STAU2: variants seen among roughly 807,000 people sequenced by gnomAD.
STAU2 encodes double-stranded RNA-binding protein Staufen homolog 2.
A neutral mutation model predicts 65.9 loss-of-function variants in STAU2; 20 were observed. The ratio of observed to expected loss-of-function variants is 0.30; its 90% confidence interval spans 0.21 to 0.44. The LOEUF is 0.44. Ranked by LOEUF, STAU2 falls within the 20% of genes least tolerant of loss-of-function variation. STAU2 has a pLI of 1.00. For missense variants in STAU2, 558 were observed against 683.9 expected (o/e 0.82, Z 2.05); for synonymous variants, 232 against 233.9 (o/e 0.99, Z 0.07).
intron 13 of STAU2, among the ~76,000 whole-genome samples, chr8:73,435,298 G>A (rs1817608609): frequency 6.6e-6 from 1 of 151,896 alleles, no homozygotes; most frequent in Non-Finnish European, 1.5e-5. Context: ...CAGGTAGCTG[G>A]TAAACCCTTG....
At chr8:73,730,058 C>G (rs1805935541) in intron 3 of STAU2, among the ~76,000 whole-genome samples, 1 of 152,074 alleles carries the variant, frequency 6.6e-6, no homozygotes, top group African/African-American at 2.4e-5. Flanking sequence ...TTATTTACTT[C>G]CTTTTTTCTG....
At chr8:73,650,329 A>T (rs12546954) in intron 6 of STAU2, among the ~76,000 whole-genome samples, 1 of 151,824 alleles carries the variant, frequency 6.6e-6, no homozygotes, top group Non-Finnish European at 1.5e-5. Context: ...AACCACAACT[A>T]TAATTTTTTA....
At chr8:73,432,038 T>G (rs928946198) in intron 13 of STAU2, among the ~76,000 whole-genome samples, 2 of 152,176 alleles carry the variant, frequency 1.3e-5, no homozygotes, top group Non-Finnish European at 2.9e-5. Context: ...TTTTATTTTG[T>G]CTTTTTCCAT....
chr8:73,479,929 C>T (rs1407024975), intron 13 of STAU2, among the ~76,000 whole-genome samples: 3 of 151,964 alleles, frequency 2.0e-5, no homozygotes, highest in Non-Finnish European at 4.4e-5. Context: ...CTACTGCTCC[C>T]GTCTTCCTAC....
chr8:73,531,446 G>A (rs80175955), intron 13 of STAU2, among the ~76,000 whole-genome samples: 3,157 of 151,994 alleles, frequency 0.021, 109 homozygotes, highest in African/African-American at 0.071. Context: ...AAATATGTAG[G>A]GAAAAACATG....
At chr8:73,727,877 A>C (rs560304645) in intron 3 of STAU2, 1 of 152,204 alleles carries the variant, frequency 6.6e-6, no homozygotes, top group South Asian at 2.1e-4. Context: ...CCTCAAAACC[A>C]GTTACTGCCC....
At chr8:73,686,351 C>T (rs1818815730) in intron 5 of STAU2, among the ~76,000 whole-genome samples, 1 of 152,052 alleles carries the variant, frequency 6.6e-6, no homozygotes, top group Admixed American at 6.5e-5. Flanking sequence ...GAGATCGAGA[C>T]CATCCTGGCT....
intron 13 of STAU2, among the ~76,000 whole-genome samples, chr8:73,460,275 G>A (rs1185933445): frequency 6.6e-6 from 1 of 151,624 alleles, no homozygotes; most frequent in Non-Finnish European, 1.5e-5. Flanking sequence ...GGAGGGCATT[G>A]TTGTTGTTTT....
At chr8:73,671,393 C>CAAAAAAAAAAA (rs200155672) in intron 6 of STAU2, among the ~76,000 whole-genome samples, 1 of 124,094 alleles carries the variant, frequency 8.1e-6, no homozygotes. Flanking sequence ...AACAAACAAA[C>CAAAAAAAAAAA]AAACAAAAAA....
intron 3 of STAU2, among the ~76,000 whole-genome samples, chr8:73,727,224 C>T (rs1402125648): frequency 6.6e-6 from 1 of 152,096 alleles, no homozygotes; most frequent in Non-Finnish European, 1.5e-5. Flanking sequence ...AGGGAGACTA[C>T]ATCTCAAAAA....
At chr8:73,659,635 G>A (rs1816676898) in intron 6 of STAU2, among the ~76,000 whole-genome samples, 1 of 151,694 alleles carries the variant, frequency 6.6e-6, no homozygotes, top group African/African-American at 2.4e-5. Flanking sequence ...TTGCTCAACT[G>A]AACAAAAAAA....
intron 13 of STAU2, chr8:73,527,283 T>A (rs967825518): frequency 6.3e-6 from 1 of 159,528 alleles, no homozygotes; most frequent in Non-Finnish European, 1.4e-5. Flanking sequence ...TCCTTGTCAT[T>A]AAGTGACGCA....
intron 13 of STAU2, among the ~76,000 whole-genome samples, chr8:73,424,201 C>CTT (rs59063960): frequency 0.015 from 1,774 of 115,242 alleles, 103 homozygotes; most frequent in African/African-American, 0.045. Context: ...TCCTCTATGT[C>CTT]TTTTTTTTTT....
intron 12 of STAU2, among the ~76,000 whole-genome samples, chr8:73,563,539 C>A (rs1418140232): frequency 2.0e-5 from 3 of 152,084 alleles, no homozygotes; most frequent in African/African-American, 7.2e-5. Context: ...TATATTAATA[C>A]CTTAGTTGTG....
chr8:73,583,718 T>C (rs1810165009), intron 11 of STAU2, among the ~76,000 whole-genome samples: 1 of 152,130 alleles, frequency 6.6e-6, no homozygotes, highest in Admixed American at 6.5e-5. Flanking sequence ...AAGTCCTAAC[T>C]TTAAGTCCTA....
intron 11 of STAU2, among the ~76,000 whole-genome samples, chr8:73,588,863 C>A (rs2128966414): frequency 6.6e-6 from 1 of 152,200 alleles, no homozygotes; most frequent in Middle Eastern, 3.4e-3. Context: ...GAGAAGACAG[C>A]AAAAACAGAA....
intron 6 of STAU2, among the ~76,000 whole-genome samples, chr8:73,644,257 G>A (rs1174822176): frequency 1.3e-5 from 2 of 152,140 alleles, no homozygotes; most frequent in Non-Finnish European, 2.9e-5. Flanking sequence ...AAATTTGTGA[G>A]ATGCAGAAGT....
At chr8:73,563,503 G>C (rs1183929234) in intron 12 of STAU2, among the ~76,000 whole-genome samples, 1 of 152,094 alleles carries the variant, frequency 6.6e-6, no homozygotes, top group Non-Finnish European at 1.5e-5. Context: ...AACTCTCATG[G>C]TGACAGAACT....
chr8:73,736,064 G>A (rs896299472), intron 3 of STAU2, among the ~76,000 whole-genome samples: 6 of 152,174 alleles, frequency 3.9e-5, no homozygotes, highest in Non-Finnish European at 8.8e-5. Context: ...CTAAGCACAG[G>A]ACAGCACTAC....
Sources: allele counts gnomAD v4.1 joint callset (sites outside exome capture counted in the v4.1 genomes callset), GRCh38; gene constraint gnomAD v4.1.1; transcripts MANE v1.5; gene names NCBI Gene and HGNC (gene_info 2026-07-23, HGNC 2026-07-21).